GPC1: variants seen among roughly 807,000 people sequenced by gnomAD.
GPC1 encodes the protein glypican 1, also known as glypican-1.
Under a neutral mutation model 51.5 loss-of-function variants are expected in GPC1, and 26 were observed. The observed-to-expected ratio is 0.50, with a 90% CI of 0.37 to 0.70. GPC1 has a LOEUF of 0.70. GPC1 is among the 30% of genes least tolerant of loss of function. The probability of loss-of-function intolerance (pLI) is 0.00; values close to 1 mark genes in which losing one functional copy is unlikely to be tolerated. For missense variants in GPC1, 775 were observed against 800.5 expected, an observed-to-expected ratio of 0.97 and a Z score of 0.38; for synonymous variants, 380 against 348.3, an observed-to-expected ratio of 1.09 and a Z score of -1.01.
chr2:240,451,251 G>A (rs996300261), intron 1 of GPC1: 1 of 471,114 alleles, frequency 2.1e-6, no homozygotes, highest in Non-Finnish European at 4.4e-6. Context: ...GCATTCACGG[G>A]GCAGATGGAC....
Position 240,466,380 on chromosome 2 carries a change from G to T in GPC1, c.*90G>T, listed in dbSNP as rs2074262089. ...ATTTAATTCACCTCAGCCTGGAGAGGCCTGGGGTGGGACAGGGAGGGCCGG... is the reference window on the plus strand; with the variant it reads ...ATTTAATTCACCTCAGCCTGGAGAGTCCTGGGGTGGGACAGGGAGGGCCGG... On this transcript the variant is annotated 3_prime_UTR_variant, in exon 9 of 9. Transcript: ENST00000264039. 1.3e-6 allele frequency: 1 copy of T among 774,070 alleles called. No homozygotes were observed. Among genetic ancestry groups the T allele is most frequent in the Middle Eastern group, 2.4e-4 (1 of 4,236 alleles). The allele number at this position is 774,070 out of a possible 1,614,324, so 48.0% of individuals were successfully genotyped here.
intron 1 of GPC1, among the ~76,000 whole-genome samples, chr2:240,438,235 C>T (rs984398557): frequency 2.0e-5 from 3 of 152,182 alleles, no homozygotes; most frequent in Non-Finnish European, 4.4e-5. Context: ...GGTGCCCCTC[C>T]GACAGGAACC....
chr2:240,454,673 G>T (rs73102074), intron 1 of GPC1, among the ~76,000 whole-genome samples: 1,855 of 152,346 alleles, frequency 0.012, 25 homozygotes, highest in East Asian at 0.037. Flanking sequence ...GGTACCTTAG[G>T]CATTCGAGTC....
intron 4 of GPC1, chr2:240,463,980 C>T: frequency 4.6e-6 from 1 of 215,812 alleles, no homozygotes; most frequent in Non-Finnish European, 9.3e-6. Context: ...TGACCCGCAT[C>T]AATGCCAACA....
At chr2:240,439,888 C>T (rs572158882) in intron 1 of GPC1, among the ~76,000 whole-genome samples, 26 of 152,318 alleles carry the variant, frequency 1.7e-4, no homozygotes, top group African/African-American at 4.6e-4. Flanking sequence ...GAGGACCGAG[C>T]GGAGCCCAGG....
intron 1 of GPC1, among the ~76,000 whole-genome samples, chr2:240,446,567 C>CCACTCCCTGGCTGGGGACTGG (rs1262756125): frequency 6.6e-6 from 1 of 152,210 alleles, no homozygotes; most frequent in Non-Finnish European, 1.5e-5. Flanking sequence ...ACCCTAAAGA[C>CCACTCCCTGGCTGGGGACTGG]CACTCCCTGG....
At chr2:240,454,609 C>G (rs1269913145) in intron 1 of GPC1, among the ~76,000 whole-genome samples, 3 of 152,242 alleles carry the variant, frequency 2.0e-5, no homozygotes, top group Non-Finnish European at 4.4e-5. Context: ...CTGCACACAG[C>G]CCTACTCCAG....
rs2074262871 is a variant in GPC1, at chr2:240,466,480, T to C, written c.*190T>C. Reference sequence around the variant, plus strand: ...CGCCTGCCTTTCTGCCTTTTAATTTTGTATGAGGTCCTCAGGTCAGCTGGG... The same window carrying C: ...CGCCTGCCTTTCTGCCTTTTAATTTCGTATGAGGTCCTCAGGTCAGCTGGG... On this transcript the variant is annotated 3_prime_UTR_variant, in exon 9 of 9. Transcript: ENST00000264039. 3.4e-6 allele frequency: 2 copies of C among 581,532 alleles called. No individual in the cohort carries two copies. The highest frequency in any genetic ancestry group is 6.0e-5 in the Admixed American group (2 of 33,198). The allele number at this position is 581,532 out of a possible 1,614,324, so 36.0% of individuals were successfully genotyped here. A position where few individuals can be genotyped will look rare whatever the true frequency, so the allele number is the denominator to read the frequency against.
intron 1 of GPC1, among the ~76,000 whole-genome samples, chr2:240,437,668 G>A (rs569199451): frequency 1.3e-5 from 2 of 152,270 alleles, no homozygotes; most frequent in East Asian, 1.9e-4. Context: ...ACATAAAGAG[G>A]CATCCCTGGC....
intron 2 of GPC1, among the ~76,000 whole-genome samples, chr2:240,460,755 G>A (rs992103819): frequency 3.9e-5 from 6 of 152,150 alleles, no homozygotes; most frequent in African/African-American, 1.2e-4. Context: ...TATGTGATGT[G>A]CCCAAGGCCC....
rs1388955997 is a variant in GPC1, at chr2:240,467,658, T to G, written c.*1368T>G. 6.6e-6 allele frequency: 1 copy of G among 152,320 alleles called. No homozygotes were observed. Among genetic ancestry groups the G allele is most frequent in the Non-Finnish European group, 1.5e-5 (1 of 68,114 alleles). 9.4% of individuals were successfully genotyped at this position (152,320 alleles called of 1,614,324 possible). ...ACCGACTGACCCTGAGGAGGCCGCT[T>G]AGTGCTGCTTTGCTTTTCATCACCG... is the stretch of plus-strand genomic sequence containing the variant. On this transcript the variant is annotated 3_prime_UTR_variant, in exon 9 of 9. Coordinates refer to ENST00000264039, the MANE Select transcript of GPC1 (RefSeq NM_002081.3).
chr2:240,464,190 C>T lies in GPC1; in HGVS notation c.884-426C>T, dbSNP rs1266240802. On this transcript the variant is annotated intron_variant, in intron 4 of 8. Transcript: ENST00000264039. ...GTGCTCACCGTGCACGCAACACACA[C>T]ATGAACTAAGGTGTACATGGGGGGG... The T allele has an allele frequency of 2.0e-5, 5 of 243,914 alleles. No individual in the cohort carries two copies. The East Asian group carries it at 2.9e-4, about 14-fold the overall frequency. 15.1% of individuals were successfully genotyped at this position (243,914 alleles called of 1,614,324 possible).
rs757111084 is a variant in GPC1 at position 240,450,966 on chromosome 2, C to A, written c.167-8064C>A. On this transcript the variant is annotated intron_variant, in intron 1 of 8. Coordinates refer to ENST00000264039, the MANE Select transcript of GPC1 (RefSeq NM_002081.3). Reference sequence around the variant, plus strand: ...AAGCATGTGAGATGGAGGGAAGTGGCAGGTCACAGCTGGGTGGGGTGACTG... The same window carrying A: ...AAGCATGTGAGATGGAGGGAAGTGGAAGGTCACAGCTGGGTGGGGTGACTG... 7.5e-6 allele frequency: 3 copies of A among 398,740 alleles called. No individual in the cohort carries two copies. The Admixed American group carries it at 8.7e-5, about 12-fold the overall frequency. The allele number at this position is 398,740 out of a possible 1,614,324, so 24.7% of individuals were successfully genotyped here. A position where few individuals can be genotyped will look rare whatever the true frequency, so the allele number is the denominator to read the frequency against.
chr2:240,453,448 C>A (rs1402396605), intron 1 of GPC1, among the ~76,000 whole-genome samples: 3 of 128,016 alleles, frequency 2.3e-5, no homozygotes, highest in Non-Finnish European at 3.3e-5. Flanking sequence ...CCTCCGCCCG[C>A]CCCGCTCCCG....
rs2074247614 is a variant in GPC1 at position 240,464,873 on chromosome 2, G to A, written c.1032G>A (p.Gly344=). 6.4e-7 allele frequency: 1 copy of A among 1,554,852 alleles called. No homozygotes were observed. The highest frequency in any genetic ancestry group is 8.7e-7 in the Non-Finnish European group (1 of 1,148,790). ...CTCTCCAGGTCATCCAGGGCTGCGG[G>A]AACCCCAAGGTCAACCCCCAGGGCC... ...TLTAKVIQGC[G]NPKVNPQGPG... is the part of the protein sequence containing the mutation. Residue 344 remains glycine, a synonymous_variant, in exon 6 of 9, where the codon GGG becomes GGA. Transcript: ENST00000264039.
chr2:240,435,980 C>T lies in GPC1; in HGVS notation c.62C>T (p.Ala21Val). 1.5e-6 allele frequency: 2 copies of T among 1,363,288 alleles called. No individual in the cohort carries two copies. The highest frequency in any genetic ancestry group is 1.9e-6 in the Non-Finnish European group (2 of 1,054,736). The allele number at this position is 1,363,288 out of a possible 1,614,324, so 84.4% of individuals were successfully genotyped here. ...LCAAAALVACARGDPASKSRS... is the reference protein window; with the variant it reads ...LCAAAALVACVRGDPASKSRS... ...GCGGCCGCAGCGCTGGTCGCCTGCGCCCGCGGGGACCCGGCCAGCAAGAGC... is the reference window on the plus strand; with the variant it reads ...GCGGCCGCAGCGCTGGTCGCCTGCGTCCGCGGGGACCCGGCCAGCAAGAGC... Residue 21 changes from alanine (A) to valine (V), a missense_variant, in exon 1 of 9, where the codon GCC becomes GTC. Ala to Val is a moderately conservative substitution (Grantham distance 64). Coordinates refer to ENST00000264039, the MANE Select transcript of GPC1 (RefSeq NM_002081.3).
In GPC1 at chr2:240,467,117, G is replaced by A. The variant is rs2074269293; in HGVS notation, c.*827G>A. The A allele has an allele frequency of 6.6e-6, 1 of 152,258 alleles. No homozygotes were observed. The highest frequency in any genetic ancestry group is 2.4e-5 in the African/African-American group (1 of 41,468). The allele number at this position is 152,258 out of a possible 1,614,324, so 9.4% of individuals were successfully genotyped here. On this transcript the variant is annotated 3_prime_UTR_variant, in exon 9 of 9. Coordinates refer to ENST00000264039, the MANE Select transcript of GPC1 (RefSeq NM_002081.3). Reference sequence around the variant, plus strand: ...GCCTTGCTGGGGTCCAGGGCTGTTGGAGGACCCCGAGGGCTGAGGAGCAGC... The same window carrying A: ...GCCTTGCTGGGGTCCAGGGCTGTTGAAGGACCCCGAGGGCTGAGGAGCAGC...
intron 1 of GPC1, among the ~76,000 whole-genome samples, chr2:240,447,455 G>A (rs11687369): frequency 0.12 from 18,149 of 152,220 alleles, 1,243 homozygotes; most frequent in Middle Eastern, 0.28. Context: ...GATGGAGGGG[G>A]AGGGCACGTA....
intron 1 of GPC1, among the ~76,000 whole-genome samples, chr2:240,443,810 C>G (rs1263306588): frequency 2.6e-5 from 4 of 152,220 alleles, no homozygotes; most frequent in Non-Finnish European, 5.9e-5. Flanking sequence ...GTCGGCAGCA[C>G]CAGGGGCTGT....
Sources: gnomAD v4.1 joint callset for allele counts (sites outside exome capture counted in the v4.1 genomes callset) on GRCh38, gnomAD v4.1.1 for gene constraint, MANE v1.5 for transcripts, NCBI Gene and HGNC (gene_info 2026-07-23, HGNC 2026-07-21) for gene names.